GCSAML: variants seen among roughly 807,000 people sequenced by gnomAD.
GCSAML encodes germinal center-associated signaling and motility-like protein.
Under a neutral mutation model 13.0 loss-of-function variants are expected in GCSAML, and 9 were observed. The ratio of observed to expected loss-of-function variants is 0.69; its 90% CI spans 0.42 to 1.21. The LOEUF (loss-of-function observed/expected upper bound fraction) is 1.21, where lower values mean the gene tolerates loss of function less well. Ranked by LOEUF, GCSAML falls within the 50% of genes most tolerant of loss-of-function variation. GCSAML has a pLI of 0.00. For synonymous variants in GCSAML, 37 were observed against 52.9 expected, an observed-to-expected ratio of 0.70 and a Z score of 1.31; for missense variants, 143 against 153.4, an observed-to-expected ratio of 0.93 and a Z score of 0.36.
intron 2 of GCSAML, among the ~76,000 whole-genome samples, chr1:247,540,570 G>A (rs1365732421): frequency 6.6e-6 from 1 of 152,218 alleles, no homozygotes; most frequent in Non-Finnish European, 1.5e-5. Context: ...TGTCTACTTT[G>A]TTTCTTCTGC....
intron 2 of GCSAML, among the ~76,000 whole-genome samples, chr1:247,532,936 T>A (rs1240239059): frequency 3.3e-5 from 5 of 152,104 alleles, no homozygotes; most frequent in African/African-American, 9.7e-5. Flanking sequence ...ACTGCTTTTT[T>A]AAAATGGAAA....
intron 1 of GCSAML, among the ~76,000 whole-genome samples, chr1:247,552,780 G>A (rs1374080672): frequency 6.6e-6 from 1 of 152,128 alleles, no homozygotes; most frequent in African/African-American, 2.4e-5. Flanking sequence ...TTTTGAGATG[G>A]AGTCTTGCTC....
In GCSAML at chr1:247,536,688, C is replaced by G. The variant is rs1481353426; in HGVS notation, c.-148+9634C>G. Among the ~76,000 whole-genome samples, 3 of 152,166 alleles carry G rather than the reference C, an allele frequency of 2.0e-5. No individual in the cohort carries two copies. The East Asian group carries it at 5.8e-4, about 29-fold the overall frequency. The stretch of plus-strand genomic sequence containing the variant: ...TTTCCCTATTGGATAATTATAACTT[C>G]ATTGTATTACACACACAGAATTGTT... On this transcript the variant is annotated intron_variant, in intron 2 of 5. Coordinates refer to the GCSAML transcript ENST00000366489.
At chr1:247,521,588 G>T (rs964898550) in intron 1 of GCSAML, among the ~76,000 whole-genome samples, 24 of 152,168 alleles carry the variant, frequency 1.6e-4, no homozygotes, top group African/African-American at 5.8e-4. Context: ...CGCTGTGTTG[G>T]CTGGGCTGGA....
chr1:247,549,694 G>A (rs1416094421), intron 1 of GCSAML, among the ~76,000 whole-genome samples: 1 of 152,094 alleles, frequency 6.6e-6, no homozygotes, highest in African/African-American at 2.4e-5. Context: ...AGCTTCGTGG[G>A]TTGGTATGAG....
rs532898484 is a variant in GCSAML at position 247,537,527 on chromosome 1, A to G, written c.-148+10473A>G. 7.2e-5 allele frequency among the ~76,000 whole-genome samples: 11 copies of G among 152,344 alleles called. No homozygotes were observed. The South Asian group carries it at 2.3e-3, about 32-fold the overall frequency. On this transcript the variant is annotated intron_variant, in intron 2 of 5. Coordinates refer to the GCSAML transcript ENST00000366489. ...CCTGGGAGTGGAATTGCTAGGTCTTATGGAAATTCTATGAACAACTTACTA... is the reference window on the plus strand; with the variant it reads ...CCTGGGAGTGGAATTGCTAGGTCTTGTGGAAATTCTATGAACAACTTACTA...
chr1:247,542,814 C>A (rs1667454576), intron 2 of GCSAML, among the ~76,000 whole-genome samples: 1 of 152,100 alleles, frequency 6.6e-6, no homozygotes, highest in East Asian at 1.9e-4. Flanking sequence ...TCTACTTAGT[C>A]CAAAATAAAA....
chr1:247,522,483 TGTG>T (rs200154286), intron 1 of GCSAML, among the ~76,000 whole-genome samples: 84,828 of 151,404 alleles, frequency 0.56, 24,816 homozygotes, highest in East Asian at 0.76. Context: ...AAGGGGGAAA[TGTG>T]GGGAAAAGAT....
intron 1 of GCSAML, among the ~76,000 whole-genome samples, chr1:247,520,865 C>A (rs1390056493): frequency 2.0e-5 from 3 of 152,156 alleles, no homozygotes; most frequent in African/African-American, 7.2e-5. Context: ...ACTACTTTAT[C>A]TTCTGATTTC....
chr1:247,529,809 G>C (rs1666843667), intron 2 of GCSAML: 1 of 147,222 alleles, frequency 6.8e-6, no homozygotes, highest in South Asian at 2.1e-4. Context: ...TAATGTGAGT[G>C]GGTCTCATCC....
rs185126275 is a variant in GCSAML at position 247,536,785 on chromosome 1, C to G, written c.-148+9731C>G. ...TGCTTATGGAGCGTAAGAATCAAGT[C>G]TCTCTATCATGTAGTGAGGGAGATA... On this transcript the variant is annotated intron_variant, in intron 2 of 5. Transcript: ENST00000366489. Among the ~76,000 whole-genome samples the G allele has an allele frequency of 3.5e-3, 533 of 152,224 alleles. 4 individuals carry two copies. Among genetic ancestry groups the G allele is most frequent in the Middle Eastern group, 0.017 (5 of 294 alleles).
chr1:247,557,561 G>A (rs1476430973), intron 2 of GCSAML, among the ~76,000 whole-genome samples: 3 of 152,162 alleles, frequency 2.0e-5, no homozygotes, highest in Non-Finnish European at 4.4e-5. Context: ...GTATGAAGGG[G>A]CAGAGGATTG....
intron 2 of GCSAML, chr1:247,532,521 G>A (rs1667028088): frequency 5.6e-6 from 9 of 1,609,354 alleles, no homozygotes; most frequent in Non-Finnish European, 6.8e-6. Context: ...TTGTATGCTG[G>A]GGGTGGGGCA....
In GCSAML at chr1:247,576,849, C is replaced by T. The variant is rs1201956043; in HGVS notation, c.*2467C>T. On this transcript the variant is annotated 3_prime_UTR_variant, in exon 5 of 5. Coordinates refer to ENST00000366488, the MANE Select transcript of GCSAML (RefSeq NM_145278.5). ...AATGACAAAATTTTTTACTTTTCGT[C>T]TGCCTTTGTAGCTGTTTTATGATAT... 6.6e-6 allele frequency: 1 copy of T among 152,158 alleles called. No homozygotes were observed. The highest frequency in any genetic ancestry group is 1.5e-5 in the Non-Finnish European group (1 of 68,030). 9.4% of individuals were successfully genotyped at this position (152,158 alleles called of 1,614,324 possible). A position where few individuals can be genotyped will look rare whatever the true frequency, so the allele number is the denominator to read the frequency against.
intron 1 of GCSAML, chr1:247,519,204 T>C (rs1397531688): frequency 6.6e-6 from 1 of 152,220 alleles, no homozygotes; most frequent in East Asian, 1.9e-4. Flanking sequence ...TCCTTCAAAG[T>C]TAATTGCAAA....
intron 1 of GCSAML, among the ~76,000 whole-genome samples, chr1:247,523,155 C>T (rs1172787120): frequency 6.6e-6 from 1 of 152,142 alleles, no homozygotes; most frequent in African/African-American, 2.4e-5. Context: ...GAACAGATGC[C>T]CCTTCAACCT....
intron 4 of GCSAML, among the ~76,000 whole-genome samples, chr1:247,573,273 T>C (rs1043203002): frequency 6.6e-6 from 1 of 152,210 alleles, no homozygotes; most frequent in Non-Finnish European, 1.5e-5. Flanking sequence ...CTCAGTTTTG[T>C]GCTTGAAACC....
chr1:247,546,649 C>G (rs1318051420), upstream of GCSAML, among the ~76,000 whole-genome samples: 1 of 152,104 alleles, frequency 6.6e-6, no homozygotes, highest in Non-Finnish European at 1.5e-5. Context: ...GTGTGAGCCA[C>G]CGCGCCCGGC....
Position 247,527,552 on chromosome 1 carries a change from G to A in GCSAML, c.-148+498G>A, listed in dbSNP as rs899055654. ...TTCAAGAGGTTAGGGAAAGTTTTTA[G>A]TATTCAGATTGAAGTTTTTCTTCAG... On this transcript the variant is annotated intron_variant, in intron 2 of 5. Transcript: ENST00000366489. This position sits in a 1 kb window ranked among gnomAD's most constrained non-coding sequence, Gnocchi z 4.6. 2.0e-5 allele frequency: 3 copies of A among 152,426 alleles called. No individual in the cohort carries two copies. The highest frequency in any genetic ancestry group is 7.2e-5 in the African/African-American group (3 of 41,450). 9.4% of individuals were successfully genotyped at this position (152,426 alleles called of 1,614,324 possible).
Sources: allele counts gnomAD v4.1 joint callset (sites outside exome capture counted in the v4.1 genomes callset), GRCh38; gene constraint gnomAD v4.1.1; non-coding constraint Gnocchi (gnomAD v3.1); transcripts MANE v1.5; gene names NCBI Gene and HGNC (gene_info 2026-07-23, HGNC 2026-07-21).